TNIK: variants seen among roughly 807,000 people sequenced by gnomAD.
TNIK encodes TRAF2 and NCK-interacting protein kinase.
A neutral mutation model predicts 191.3 loss-of-function variants in TNIK; 49 were observed. The ratio of observed to expected loss-of-function variants is 0.26; its 90% CI spans 0.20 to 0.32. The LOEUF is 0.32. Among genes scored for constraint, TNIK ranks in the 10% least tolerant of loss-of-function variants. TNIK has a pLI of 1.00. For synonymous variants in TNIK, 594 were observed against 600.9 expected (o/e 0.99, Z 0.17); for missense variants, 1,155 against 1,702.3 (o/e 0.68, Z 5.66).
At chr3:171,198,337 A>T (rs1386009990) in intron 4 of TNIK, among the ~76,000 whole-genome samples, 1 of 152,158 alleles carries the variant, frequency 6.6e-6, no homozygotes, top group East Asian at 1.9e-4. Context: ...TATCCAAAAT[A>T]GGCAATCCAT....
At chr3:171,163,118 C>T (rs1213391866) in intron 10 of TNIK, among the ~76,000 whole-genome samples, 1 of 152,134 alleles carries the variant, frequency 6.6e-6, no homozygotes, top group Non-Finnish European at 1.5e-5. Flanking sequence ...GTTCAGGAAA[C>T]AATGAGCTGT....
intron 2 of TNIK, among the ~76,000 whole-genome samples, chr3:171,269,653 T>G (rs1748847775): frequency 6.6e-6 from 1 of 152,218 alleles, no homozygotes; most frequent in South Asian, 2.1e-4. Flanking sequence ...TATTATGAAA[T>G]AGTTATCCCA....
At chr3:171,251,086 C>T (rs1319765708) in intron 2 of TNIK, among the ~76,000 whole-genome samples, 1 of 152,174 alleles carries the variant, frequency 6.6e-6, no homozygotes, top group Non-Finnish European at 1.5e-5. Flanking sequence ...GTATCATGTA[C>T]ACACATCAAC....
At chr3:171,153,306 A>G (rs1320672022) in intron 12 of TNIK, among the ~76,000 whole-genome samples, 1 of 150,390 alleles carries the variant, frequency 6.6e-6, no homozygotes, top group Non-Finnish European at 1.5e-5. Context: ...TCAGGCCTAC[A>G]CTCTCTTCTC....
At chr3:171,308,594 C>T (rs966998882) in intron 2 of TNIK, among the ~76,000 whole-genome samples, 18 of 152,180 alleles carry the variant, frequency 1.2e-4, no homozygotes, top group African/African-American at 4.1e-4. Flanking sequence ...TTCTGCACAG[C>T]AGAAGAAACT....
At chr3:171,150,816 T>C (rs1480539875) in intron 12 of TNIK, among the ~76,000 whole-genome samples, 2 of 152,048 alleles carry the variant, frequency 1.3e-5, no homozygotes, top group Non-Finnish European at 2.9e-5. Context: ...ATAACGAAAA[T>C]GTGCTCTGGA....
At chr3:171,128,986 T>G in intron 15 of TNIK, 108 bp from the exon 16 acceptor site, 1 of 1,410,444 alleles carries the variant, frequency 7.1e-7, no homozygotes, top group Non-Finnish European at 9.3e-7. Context: ...TTGAATCCTC[T>G]GATCAACTGA....
chr3:171,213,109 A>G (rs1467573997), intron 3 of TNIK, among the ~76,000 whole-genome samples: 1 of 152,078 alleles, frequency 6.6e-6, no homozygotes, highest in African/African-American at 2.4e-5. Context: ...GAAACTCCCC[A>G]CGCCTTCACT....
intron 2 of TNIK, among the ~76,000 whole-genome samples, chr3:171,231,355 T>C (rs1337999189): frequency 1.3e-5 from 2 of 151,416 alleles, no homozygotes; most frequent in Admixed American, 6.6e-5. Flanking sequence ...ACTATGAAAA[T>C]GATGGAAGGT....
intron 2 of TNIK, chr3:171,347,278 A>C: frequency 6.7e-7 from 1 of 1,498,432 alleles, no homozygotes; most frequent in Non-Finnish European, 8.9e-7. Context: ...CACCAAACAC[A>C]TAGAGCACAC....
intron 2 of TNIK, among the ~76,000 whole-genome samples, chr3:171,235,986 C>T (rs1366056758): frequency 6.6e-6 from 1 of 152,166 alleles, no homozygotes; most frequent in African/African-American, 2.4e-5. Flanking sequence ...CCACTTCTCT[C>T]TCCTCTGGGT....
At chr3:171,265,078 A>G (rs975390332) in intron 2 of TNIK, among the ~76,000 whole-genome samples, 2 of 152,226 alleles carry the variant, frequency 1.3e-5, no homozygotes, top group African/African-American at 4.8e-5. Flanking sequence ...GGCATCTACT[A>G]GAAGAAGGGA....
At chr3:171,239,601 G>C (rs1228682990) in intron 2 of TNIK, among the ~76,000 whole-genome samples, 1 of 152,176 alleles carries the variant, frequency 6.6e-6, no homozygotes, top group Non-Finnish European at 1.5e-5. Context: ...CTCCGCAAAG[G>C]CTGAAAATAT....
At chr3:171,094,033 A>G in intron 22 of TNIK, 65 bp from the exon 23 acceptor site, 1 of 1,552,782 alleles carries the variant, frequency 6.4e-7, no homozygotes, top group Non-Finnish European at 8.7e-7. Context: ...TCCTGTCCAT[A>G]TTCATTATTT....
chr3:171,312,285 CTG>C (rs1754124991), intron 2 of TNIK, among the ~76,000 whole-genome samples: 3 of 151,792 alleles, frequency 2.0e-5, no homozygotes, highest in South Asian at 2.1e-4. Flanking sequence ...TTTGCGAGCT[CTG>C]TGTTTTTCTA....
At chr3:171,120,460 A>G (rs1304740444) in intron 18 of TNIK, among the ~76,000 whole-genome samples, 6 of 151,538 alleles carry the variant, frequency 4.0e-5, no homozygotes, top group African/African-American at 1.2e-4. Flanking sequence ...AGCTGGGACT[A>G]CAGGCGCCTG....
chr3:171,282,214 C>CA (rs1172621487), intron 2 of TNIK, among the ~76,000 whole-genome samples: 2 of 151,742 alleles, frequency 1.3e-5, no homozygotes, highest in Non-Finnish European at 2.9e-5. Flanking sequence ...CAGCGAATCA[C>CA]AAAGAGGAGA....
chr3:171,085,439 A>C (rs1192180599), intron 24 of TNIK, among the ~76,000 whole-genome samples: 1 of 152,214 alleles, frequency 6.6e-6, no homozygotes, highest in East Asian at 1.9e-4. Context: ...GGACTTCATT[A>C]ATTATCAGAC....
At chr3:171,361,082 A>G (rs539958041) in intron 2 of TNIK, among the ~76,000 whole-genome samples, 2 of 152,318 alleles carry the variant, frequency 1.3e-5, no homozygotes, top group African/African-American at 2.4e-5. Flanking sequence ...ATCTCCAAAG[A>G]CAAAGATACC....
Sources: gnomAD v4.1 joint callset for allele counts (sites outside exome capture counted in the v4.1 genomes callset) on GRCh38, gnomAD v4.1.1 for gene constraint, MANE v1.5 for transcripts, NCBI Gene and HGNC (gene_info 2026-07-23, HGNC 2026-07-21) for gene names.